GYPC: variants seen among roughly 807,000 people sequenced by gnomAD.
GYPC encodes glycophorin-C.
GYPC carries 14 observed loss-of-function variants against 12.6 expected under a neutral mutation model. The observed-to-expected ratio is 1.11, with a 90% CI of 0.74 to 1.74. The LOEUF (loss-of-function observed/expected upper bound fraction) is 1.74, where lower values mean the gene tolerates loss of function less well. Among genes scored for constraint, GYPC ranks in the 40% most tolerant of loss-of-function variants. The pLI is 0.00. For synonymous variants in GYPC, 78 were observed against 62.1 expected (o/e 1.26, Z -1.20); for missense variants, 225 against 172.1 (o/e 1.31, Z -1.72).
At chr2:126,691,797 G>A (rs28387208) in intron 2 of GYPC, among the ~76,000 whole-genome samples, 169 of 152,308 alleles carry the variant, frequency 1.1e-3, no homozygotes, top group African/African-American at 3.9e-3. Context: ...GGAAATAACA[G>A]TCTCTTCTAA....
At chr2:126,666,657 A>G (rs567883985) in intron 1 of GYPC, among the ~76,000 whole-genome samples, 1 of 151,846 alleles carries the variant, frequency 6.6e-6, no homozygotes, top group South Asian at 2.1e-4. Flanking sequence ...ATTGCAAGTA[A>G]GAAACTGTGA....
intron 1 of GYPC, among the ~76,000 whole-genome samples, chr2:126,681,902 T>C (rs1280065590): frequency 6.6e-6 from 1 of 152,222 alleles, no homozygotes; most frequent in Non-Finnish European, 1.5e-5. Context: ...GTCTGCGCCA[T>C]GCCTGGCAAG....
intron 1 of GYPC, among the ~76,000 whole-genome samples, chr2:126,687,414 T>C (rs183159713): frequency 2.0e-3 from 311 of 152,308 alleles, no homozygotes; most frequent in African/African-American, 7.2e-3. Flanking sequence ...TCTAACAGGC[T>C]CCCAGAGGAT....
intron 1 of GYPC, among the ~76,000 whole-genome samples, chr2:126,675,227 A>G (rs2104786090): frequency 6.6e-6 from 1 of 152,286 alleles, no homozygotes; most frequent in Admixed American, 6.5e-5. Flanking sequence ...CTTTGCATCC[A>G]TCTCGTGGAT....
intron 1 of GYPC, among the ~76,000 whole-genome samples, chr2:126,677,506 AGTGT>A (rs748891349): frequency 7.3e-6 from 1 of 136,726 alleles, no homozygotes; most frequent in African/African-American, 2.8e-5. Flanking sequence ...TGTGTATGAG[AGTGT>A]GTGTGAGTCT....
intron 1 of GYPC, chr2:126,678,994 A>C (rs1558885824): frequency 6.6e-6 from 1 of 152,244 alleles, no homozygotes; most frequent in Admixed American, 6.5e-5. Context: ...CCCAATAACA[A>C]AGCGTACCTA....
intron 3 of GYPC, 47 bp from the exon 4 acceptor site, chr2:126,695,899 C>A (rs1197293525): frequency 6.6e-7 from 1 of 1,521,222 alleles, no homozygotes; most frequent in African/African-American, 1.4e-5. Flanking sequence ...TCCCAGGCCC[C>A]AGAGCCCCTG....
In GYPC at chr2:126,696,124, A is replaced by G; in HGVS notation, c.369A>G (p.Arg123=). The G allele has an allele frequency of 6.2e-7, 1 of 1,613,256 alleles. No individual in the cohort carries two copies. The highest frequency in any genetic ancestry group is 1.7e-5 in the Admixed American group (1 of 60,030). Residue 123 remains arginine (R), a synonymous_variant, in exon 4 of 4, where the codon AGA becomes AGG. Coordinates refer to ENST00000259254, the MANE Select transcript of GYPC (RefSeq NM_002101.5). ...TCCAAGATGCTGGTGATAGCAGCAG[A>G]AAGGAGTACTTTATTTGAGGGACAA... The part of the protein sequence containing the change: ...PALQDAGDSS[R]KEYFI
At chr2:126,695,874 G>T in intron 3 of GYPC, 72 bp from the exon 4 acceptor site, 1 of 1,159,050 alleles carries the variant, frequency 8.6e-7, no homozygotes, top group Non-Finnish European at 1.3e-6. Flanking sequence ...CAACCCCTGT[G>T]GGTCTTGACC....
intron 1 of GYPC, chr2:126,657,540 T>C (rs1057424227): frequency 6.6e-6 from 1 of 152,246 alleles, no homozygotes; most frequent in Non-Finnish European, 1.5e-5. Context: ...TTTATATAAT[T>C]GCACATGAGA....
chr2:126,680,851 G>A (rs967409230), intron 1 of GYPC, among the ~76,000 whole-genome samples: 1 of 152,232 alleles, frequency 6.6e-6, no homozygotes, highest in African/African-American at 2.4e-5. Flanking sequence ...GCCATTCAGA[G>A]AGGGTGGTCA....
intron 1 of GYPC, chr2:126,679,557 G>A (rs540023863): frequency 6.6e-6 from 1 of 152,296 alleles, no homozygotes; most frequent in Non-Finnish European, 1.5e-5. Context: ...AAAAAACACA[G>A]TCAGTGTCTT....
intron 1 of GYPC, among the ~76,000 whole-genome samples, chr2:126,656,736 A>G (rs1682370939): frequency 6.6e-6 from 1 of 152,098 alleles, no homozygotes; most frequent in Non-Finnish European, 1.5e-5. Flanking sequence ...GCTCCGGTGA[A>G]CTCCAGGCAA....
intron 1 of GYPC, among the ~76,000 whole-genome samples, chr2:126,687,087 G>T (rs959949375): frequency 6.6e-6 from 1 of 152,176 alleles, no homozygotes; most frequent in African/African-American, 2.4e-5. Flanking sequence ...GCCAAGGGGG[G>T]CTCTCACCCC....
At chr2:126,686,668 G>C in intron 1 of GYPC, 7 of 985,402 alleles carry the variant, frequency 7.1e-6, no homozygotes, top group Non-Finnish European at 7.2e-6. Context: ...AGGGGGCCGG[G>C]GGGACCTTGC....
At chr2:126,687,333 T>C (rs1039977491) in intron 1 of GYPC, among the ~76,000 whole-genome samples, 3 of 152,320 alleles carry the variant, frequency 2.0e-5, no homozygotes, top group African/African-American at 7.2e-5. Context: ...GAATCTACTA[T>C]AGTAATTACT....
At chr2:126,667,080 T>C (rs1682703598) in intron 1 of GYPC, among the ~76,000 whole-genome samples, 1 of 152,156 alleles carries the variant, frequency 6.6e-6, no homozygotes, top group African/African-American at 2.4e-5. Flanking sequence ...ATGTAGAATA[T>C]CTCCTCATAG....
chr2:126,662,259 T>G (rs1682553801), intron 1 of GYPC, among the ~76,000 whole-genome samples: 1 of 152,160 alleles, frequency 6.6e-6, no homozygotes, highest in African/African-American at 2.4e-5. Flanking sequence ...GCCAAGCCCT[T>G]CTCCTGTATT....
At chr2:126,692,429 T>C (rs1281038687) in intron 2 of GYPC, among the ~76,000 whole-genome samples, 1 of 152,172 alleles carries the variant, frequency 6.6e-6, no homozygotes, top group East Asian at 1.9e-4. Flanking sequence ...ATCTGGCAGC[T>C]GCACTGGGGA....
Sources: allele counts gnomAD v4.1 joint callset (sites outside exome capture counted in the v4.1 genomes callset), GRCh38; gene constraint gnomAD v4.1.1; transcripts MANE v1.5; gene names NCBI Gene and HGNC (gene_info 2026-07-23, HGNC 2026-07-21).